The following CDH18 variants were observed in gnomAD, a reference collection of about 807,000 sequenced individuals.
CDH18 encodes the protein cadherin 18.
A neutral mutation model predicts 67.9 loss-of-function variants in CDH18; 31 were observed. That is an observed-to-expected ratio of 0.46 (90% CI 0.34 to 0.62). The LOEUF (loss-of-function observed/expected upper bound fraction) is 0.62, where lower values mean the gene tolerates loss of function less well. Among genes scored for constraint, CDH18 ranks in the 20% least tolerant of loss-of-function variants. The pLI, the probability that CDH18 is intolerant of heterozygous loss-of-function variation, is 0.01. For missense variants in CDH18, 890 were observed against 975.5 expected, an observed-to-expected ratio of 0.91 and a Z score of 1.17; for synonymous variants, 362 against 347.2, an observed-to-expected ratio of 1.04 and a Z score of -0.48.
At chr5:19,645,228 T>C (rs1333804479) in intron 5 of CDH18, among the ~76,000 whole-genome samples, 1 of 152,198 alleles carries the variant, frequency 6.6e-6, no homozygotes, top group Non-Finnish European at 1.5e-5. Context: ...AGTTTGAATA[T>C]TATGTGCAGT....
intron 3 of CDH18, among the ~76,000 whole-genome samples, chr5:19,767,277 A>G (rs1773215082): frequency 6.6e-6 from 1 of 152,042 alleles, no homozygotes; most frequent in African/African-American, 2.4e-5. Flanking sequence ...TTATAAGGTC[A>G]CAAATAATAC....
chr5:20,337,014 G>A (rs1192147060), intron 1 of CDH18, among the ~76,000 whole-genome samples: 1 of 152,100 alleles, frequency 6.6e-6, no homozygotes, highest in African/African-American at 2.4e-5. Context: ...CCTCCCATTT[G>A]GGCAAAGCCC....
chr5:19,595,719 T>A (rs941605854), intron 6 of CDH18, among the ~76,000 whole-genome samples: 3 of 152,242 alleles, frequency 2.0e-5, no homozygotes, highest in Non-Finnish European at 4.4e-5. Flanking sequence ...CGTGTTCATG[T>A]ATGTGTTTGT....
chr5:20,072,432 A>G (rs2150527290), intron 2 of CDH18, among the ~76,000 whole-genome samples: 1 of 152,112 alleles, frequency 6.6e-6, no homozygotes, highest in African/African-American at 2.4e-5. Context: ...GAAGATTAAA[A>G]ATTCACACCT....
chr5:19,515,341 T>C (rs1005974685), intron 10 of CDH18, among the ~76,000 whole-genome samples: 1 of 152,218 alleles, frequency 6.6e-6, no homozygotes. Flanking sequence ...TCTTTTTTGG[T>C]TCCATATGAA....
chr5:20,018,466 C>T (rs76817508), intron 2 of CDH18, among the ~76,000 whole-genome samples: 1,750 of 152,282 alleles, frequency 0.011, 41 homozygotes, highest in African/African-American at 0.04. Flanking sequence ...AACCTTCCCT[C>T]ATTGAGCTTT....
At chr5:19,785,446 A>C (rs1291923990) in intron 3 of CDH18, among the ~76,000 whole-genome samples, 2 of 150,900 alleles carry the variant, frequency 1.3e-5, no homozygotes, top group Non-Finnish European at 2.9e-5. Flanking sequence ...TGGGGTTGGG[A>C]GTTCGAGATC....
At chr5:19,756,272 G>A (rs1771591684) in intron 3 of CDH18, among the ~76,000 whole-genome samples, 1 of 152,182 alleles carries the variant, frequency 6.6e-6, no homozygotes, top group Admixed American at 6.5e-5. Context: ...TCATACAAGT[G>A]TATACATGTA....
chr5:20,412,290 C>T (rs10069725), intron 1 of CDH18, among the ~76,000 whole-genome samples: 79,232 of 151,986 alleles, frequency 0.52, 21,189 homozygotes, highest in Middle Eastern at 0.62. Context: ...GTTCAATAAA[C>T]GATACTGGGA....
At chr5:20,188,265 A>G (rs188569091) in intron 2 of CDH18, among the ~76,000 whole-genome samples, 28 of 152,168 alleles carry the variant, frequency 1.8e-4, no homozygotes, top group East Asian at 1.4e-3. Flanking sequence ...CTCATGTTGA[A>G]GCTATAGTTC....
intron 5 of CDH18, 92 bp from the exon 6 acceptor site, chr5:19,612,693 A>C: frequency 1.0e-6 from 1 of 954,202 alleles, no homozygotes; most frequent in South Asian, 1.6e-5. Flanking sequence ...AATGTCTTTT[A>C]AAATAGCATA....
intron 2 of CDH18, among the ~76,000 whole-genome samples, chr5:20,188,303 C>T (rs766924864): frequency 2.2e-4 from 34 of 151,820 alleles, no homozygotes; most frequent in Non-Finnish European, 3.4e-4. Context: ...AATTCAAATC[C>T]AATCAGCCAA....
chr5:19,894,422 G>A (rs1279944851), intron 2 of CDH18, among the ~76,000 whole-genome samples: 1 of 151,858 alleles, frequency 6.6e-6, no homozygotes, highest in South Asian at 2.1e-4. Flanking sequence ...AATAGACATA[G>A]TAAACAAATG....
rs1749164259 is a variant in CDH18, at chr5:19,612,572, C to G, written c.673G>C (p.Asp225His). ...GVIRTALHNM[D>H]REAREHYSVV... ...GAGTAATGTTCTCTGGCTTCTCTGT[C>G]CATGTTATGTAAGGCCGTTCTAATA... The change falls in exon 6 of 13, where the codon GAC (aspartate) becomes CAC (histidine). Residue 225 changes from aspartate to histidine, a missense_variant. Transcript: ENST00000382275. 5.6e-6 allele frequency: 9 copies of G among 1,613,560 alleles called. No homozygotes were observed. The highest frequency in any genetic ancestry group is 6.8e-6 in the Non-Finnish European group (8 of 1,179,720).
At chr5:19,481,587 C>G (rs1277354307) in intron 12 of CDH18, among the ~76,000 whole-genome samples, 2 of 152,088 alleles carry the variant, frequency 1.3e-5, no homozygotes, top group Non-Finnish European at 1.5e-5. Context: ...GACTCTCTAG[C>G]TTTAAACCTT....
At position 20,568,582 on chromosome 5, in the gene CDH18, G is replaced by T. The variant is rs114369168; in HGVS notation, c.-580+6880C>A. Among the ~76,000 whole-genome samples, 1,089 of 151,674 alleles carry T rather than the reference G, an allele frequency of 7.2e-3. 16 individuals carry two copies. Among genetic ancestry groups the T allele is most frequent in the African/African-American group, 0.025 (1,038 of 41,188 alleles). ...TAAAAGCAAACTAAAATTATTAAAT[G>T]AATGTCAAGAGTGGGCATTTCAGAA... is the stretch of plus-strand genomic sequence containing the variant. On this transcript the variant is annotated intron_variant, in intron 1 of 14. Transcript: ENST00000507958.
chr5:20,388,496 T>C (rs1744517413), intron 1 of CDH18, among the ~76,000 whole-genome samples: 2 of 152,152 alleles, frequency 1.3e-5, no homozygotes, highest in African/African-American at 2.4e-5. Context: ...TCTATCAATT[T>C]TGTTGATCTT....
At chr5:20,337,927 G>A in intron 1 of CDH18, among the ~76,000 whole-genome samples, 1 of 152,210 alleles carries the variant, frequency 6.6e-6, no homozygotes, top group Non-Finnish European at 1.5e-5. Context: ...AATCATGGTT[G>A]AAGGCAAAGA....
chr5:19,713,638 A>C (rs1204613570), intron 5 of CDH18, among the ~76,000 whole-genome samples: 1 of 152,104 alleles, frequency 6.6e-6, no homozygotes, highest in Non-Finnish European at 1.5e-5. Context: ...TGATATCTAT[A>C]GTGTCTGTAA....
Sources: gnomAD v4.1 joint callset for allele counts (sites outside exome capture counted in the v4.1 genomes callset) on GRCh38, gnomAD v4.1.1 for gene constraint, MANE v1.5 for transcripts, NCBI Gene and HGNC (gene_info 2026-07-23, HGNC 2026-07-21) for gene names.